FBXL13: variants seen among roughly 807,000 people sequenced by gnomAD.
FBXL13 encodes F-box and leucine-rich repeat protein 13.
A neutral mutation model predicts 83.6 loss-of-function variants in FBXL13; 67 were observed. The ratio of observed to expected loss-of-function variants is 0.80; its 90% CI spans 0.66 to 0.98. The LOEUF (loss-of-function observed/expected upper bound fraction) is 0.98, where lower values mean the gene tolerates loss of function less well. FBXL13 is among the 50% of genes least tolerant of loss of function. The pLI, the probability that FBXL13 is intolerant of heterozygous loss-of-function variation, is 0.00. For synonymous variants in FBXL13, 272 were observed against 299.5 expected (o/e 0.91, Z 0.95); for missense variants, 822 against 866.5 (o/e 0.95, Z 0.64).
intron 8 of FBXL13, among the ~76,000 whole-genome samples, chr7:102,937,371 G>C (rs1820527794): frequency 6.6e-6 from 1 of 151,676 alleles, no homozygotes; most frequent in African/African-American, 2.4e-5. Context: ...GCCAGGCATG[G>C]TGGCAGGCAC....
intron 18 of FBXL13, among the ~76,000 whole-genome samples, chr7:102,830,979 C>A (rs1018919633): frequency 6.6e-6 from 1 of 152,094 alleles, no homozygotes; most frequent in East Asian, 1.9e-4. Context: ...AAAAACTAAT[C>A]GGAAGGTCAG....
intron 8 of FBXL13, among the ~76,000 whole-genome samples, chr7:102,958,040 A>G (rs921710188): frequency 2.6e-5 from 4 of 152,226 alleles, no homozygotes; most frequent in African/African-American, 9.7e-5. Flanking sequence ...TACTGGGTAT[A>G]TACCCAAAGG....
chr7:103,060,829 T>C (rs1237449055), intron 1 of FBXL13, among the ~76,000 whole-genome samples: 1 of 152,146 alleles, frequency 6.6e-6, no homozygotes, highest in Non-Finnish European at 1.5e-5. Context: ...AGAAAAACAT[T>C]GTTCAAAGTC....
chr7:103,033,717 G>A (rs1365768218), intron 2 of FBXL13, among the ~76,000 whole-genome samples: 3 of 152,134 alleles, frequency 2.0e-5, no homozygotes, highest in Non-Finnish European at 4.4e-5. Flanking sequence ...CCCAAAGAGT[G>A]AGCAGCAGCA....
chr7:102,983,190 G>T (rs1828469959), intron 6 of FBXL13, among the ~76,000 whole-genome samples: 1 of 152,114 alleles, frequency 6.6e-6, no homozygotes, highest in African/African-American at 2.4e-5. Context: ...AACTGCCTCA[G>T]TGGAGGCCAT....
At chr7:103,061,735 G>A (rs1238996990) in intron 1 of FBXL13, among the ~76,000 whole-genome samples, 1 of 152,022 alleles carries the variant, frequency 6.6e-6, no homozygotes, top group East Asian at 1.9e-4. Flanking sequence ...TCAGGAGATT[G>A]AGACTGTCCT....
intron 2 of FBXL13, among the ~76,000 whole-genome samples, chr7:103,039,444 G>A (rs888574966): frequency 5.9e-5 from 9 of 152,166 alleles, no homozygotes; most frequent in Non-Finnish European, 8.8e-5. Flanking sequence ...TAGCAAGGCA[G>A]GCCAACATTC....
chr7:102,898,718 T>A (rs963434768), intron 11 of FBXL13, among the ~76,000 whole-genome samples: 5 of 152,130 alleles, frequency 3.3e-5, no homozygotes, highest in African/African-American at 9.7e-5. Flanking sequence ...ATCCTGGATG[T>A]TAAGGATTGC....
intron 9 of FBXL13, among the ~76,000 whole-genome samples, chr7:102,929,498 CA>C (rs963074191): frequency 6.6e-6 from 1 of 151,250 alleles, no homozygotes; most frequent in Non-Finnish European, 1.5e-5. Flanking sequence ...CCCATCTCTA[CA>C]AAAAAAATTC....
At chr7:102,952,076 A>C (rs185712624) in intron 8 of FBXL13, among the ~76,000 whole-genome samples, 95 of 152,308 alleles carry the variant, frequency 6.2e-4, no homozygotes, top group African/African-American at 2.2e-3. Context: ...GTGCTAAGTG[A>C]AGTAAGCCAG....
intron 9 of FBXL13, 36 bp from the exon 11 acceptor site, chr7:102,926,410 T>C (rs1818146812): frequency 1.3e-6 from 2 of 1,526,842 alleles, no homozygotes; most frequent in East Asian, 4.6e-5. Flanking sequence ...CTTATCAAAT[T>C]ATAGCAGGCT....
intron 8 of FBXL13, among the ~76,000 whole-genome samples, chr7:102,952,485 G>C (rs1447193694): frequency 6.6e-6 from 1 of 152,114 alleles, no homozygotes; most frequent in Non-Finnish European, 1.5e-5. Flanking sequence ...AATTAGAAAT[G>C]AAAGTGGGTA....
At chr7:102,851,220 A>C (rs1221583525) in intron 17 of FBXL13, among the ~76,000 whole-genome samples, 1 of 152,150 alleles carries the variant, frequency 6.6e-6, no homozygotes, top group East Asian at 1.9e-4. Flanking sequence ...CTAGAGGTCT[A>C]GAGAATCTTT....
At chr7:103,048,775 C>A (rs1252440164) in intron 2 of FBXL13, among the ~76,000 whole-genome samples, 1 of 152,136 alleles carries the variant, frequency 6.6e-6, no homozygotes, top group African/African-American at 2.4e-5. Context: ...CAAATTTTTA[C>A]AAACCTTCCA....
At chr7:102,825,990 C>T (rs971372806) in intron 18 of FBXL13, among the ~76,000 whole-genome samples, 1 of 152,170 alleles carries the variant, frequency 6.6e-6, no homozygotes, top group African/African-American at 2.4e-5. Context: ...AAAGTAAGCA[C>T]TCAATAAATG....
intron 6 of FBXL13, among the ~76,000 whole-genome samples, chr7:102,968,914 C>T (rs543148796): frequency 1.3e-5 from 2 of 152,114 alleles, no homozygotes; most frequent in Non-Finnish European, 2.9e-5. Flanking sequence ...ATATTTCAGT[C>T]AATGATGGGA....
At chr7:103,068,325 G>C (rs1047498235) in intron 1 of FBXL13, among the ~76,000 whole-genome samples, 1 of 152,146 alleles carries the variant, frequency 6.6e-6, no homozygotes, top group Non-Finnish European at 1.5e-5. Flanking sequence ...TTTAGAAAAA[G>C]GAGGGAAGAT....
chr7:103,031,948 T>C (rs1361525582), intron 2 of FBXL13, among the ~76,000 whole-genome samples: 1 of 152,220 alleles, frequency 6.6e-6, no homozygotes, highest in African/African-American at 2.4e-5. Flanking sequence ...GAATTACTGC[T>C]GTGATTAGTC....
At chr7:102,968,093 C>A in exon 7 of FBXL13, 1 of 1,613,044 alleles carries the variant, frequency 6.2e-7, no homozygotes, top group Non-Finnish European at 8.5e-7. Flanking sequence ...ATTATCACAT[C>A]TTTTAAACTG....
Sources: allele counts gnomAD v4.1 joint callset (sites outside exome capture counted in the v4.1 genomes callset), GRCh38; gene constraint gnomAD v4.1.1; transcripts MANE v1.5; gene names NCBI Gene and HGNC (gene_info 2026-07-23, HGNC 2026-07-21).